Variants in MBTPS1 observed in about 807,000 individuals in gnomAD.
MBTPS1 encodes membrane-bound transcription factor site-1 protease.
In MBTPS1, 94 loss-of-function variants were observed where a neutral mutation model predicts 127.8. The observed-to-expected ratio is 0.74, with a 90% CI of 0.62 to 0.87. The LOEUF is 0.87. Ranked by LOEUF, MBTPS1 falls within the 40% of genes least tolerant of loss-of-function variation. The pLI, the probability that MBTPS1 is intolerant of heterozygous loss-of-function variation, is 0.00. For missense variants in MBTPS1, 1,636 were observed against 1,353.2 expected (o/e 1.21, Z -3.28); for synonymous variants, 632 against 509.4 (o/e 1.24, Z -3.24).
At chr16:84,082,420 G>A (rs2085955265) in intron 10 of MBTPS1, among the ~76,000 whole-genome samples, 1 of 152,150 alleles carries the variant, frequency 6.6e-6, no homozygotes, top group South Asian at 2.1e-4. Context: ...GCTTGTCTGG[G>A]ATGAGCCACC....
At chr16:84,083,144 G>A (rs1447658445) in intron 10 of MBTPS1, among the ~76,000 whole-genome samples, 2 of 152,174 alleles carry the variant, frequency 1.3e-5, no homozygotes, top group African/African-American at 4.8e-5. Context: ...ATGGCGTTTA[G>A]GAGAAATGAA....
Position 84,081,732 on chromosome 16 carries a change from G to A in MBTPS1, c.1448+15C>T. On this transcript the variant is annotated intron_variant, in intron 11 of 22. Coordinates refer to ENST00000343411, the MANE Select transcript of MBTPS1 (RefSeq NM_003791.4). ...TGAAGGAGAGAAAGACCCATCGGCA[G>A]GGCGGTGCACTGACCTTGCCTGTGG... The A allele has an allele frequency of 1.5e-6, 2 of 1,348,654 alleles. No individual in the cohort carries two copies. Among genetic ancestry groups the A allele is most frequent in the Non-Finnish European group, 1.9e-6 (2 of 1,038,664 alleles). 83.5% of individuals were successfully genotyped at this position (1,348,654 alleles called of 1,614,324 possible).
chr16:84,106,175 G>C (rs142855370), intron 1 of MBTPS1, among the ~76,000 whole-genome samples: 37 of 152,170 alleles, frequency 2.4e-4, no homozygotes, highest in African/African-American at 6.7e-4. Context: ...GGCGCCTGTA[G>C]CTCCAGCTAC....
intron 3 of MBTPS1, among the ~76,000 whole-genome samples, chr16:84,097,735 AAGG>A: frequency 6.6e-6 from 1 of 152,298 alleles, no homozygotes; most frequent in East Asian, 1.9e-4. Flanking sequence ...ACTGCTTTTT[AAGG>A]AGAATAATAC....
rs189875050 is a variant in MBTPS1, at chr16:84,063,028, G to A, written c.2572+277C>T. Among the ~76,000 whole-genome samples, 136 of 152,352 alleles carry A rather than the reference G, an allele frequency of 8.9e-4. 4 individuals carry two copies. In the South Asian group the frequency reaches 0.025, roughly 28 times the overall value. ...GGGAAGGGACTCTCCACCACAACGC[G>A]GGAGTCCCGCCTCCGCTGGCCTCAG... is the stretch of plus-strand genomic sequence containing the variant. On this transcript the variant is annotated intron_variant, in intron 19 of 22. Transcript: ENST00000343411.
At chr16:84,116,543 C>G (rs1451629601) in intron 1 of MBTPS1, among the ~76,000 whole-genome samples, 192 bp downstream of exon 1, 1 of 152,208 alleles carries the variant, frequency 6.6e-6, no homozygotes, top group African/African-American at 2.4e-5. Context: ...CGCGCAGACC[C>G]CCGCAGGGCC....
chr16:84,063,569 T>A (rs370199960), intron 18 of MBTPS1, 124 bp from the exon 19 acceptor site: 92 of 909,562 alleles, frequency 1.0e-4, no homozygotes, highest in Middle Eastern at 2.2e-4. Flanking sequence ...AATTAAAACA[T>A]TGCAAATTTT....
At chr16:84,061,983 G>C (rs2085620741) in intron 19 of MBTPS1, among the ~76,000 whole-genome samples, 1 of 152,052 alleles carries the variant, frequency 6.6e-6, no homozygotes. Context: ...TAAATGTAAG[G>C]CCTAGGACCA....
chr16:84,091,835 G>C lies in MBTPS1; in HGVS notation c.860C>G (p.Ser287Cys). 1 of 1,588,102 alleles carries C rather than the reference G, an allele frequency of 6.3e-7. No homozygotes were observed. Among genetic ancestry groups the C allele is most frequent in the South Asian group, 1.1e-5 (1 of 90,566 alleles). The change falls in exon 7 of 23, where the codon TCT becomes TGT. Residue 287 changes from serine (S) to cysteine (C), a missense_variant. Coordinates refer to ENST00000343411, the MANE Select transcript of MBTPS1 (RefSeq NM_003791.4). ...ATAGTTGAAGGCGTCCAAAAACCAA[G>C]ATGTGTAAGATACCTAGTTAAATAT... ...VFTNNQVSYT[S>C]WFLDAFNYAI...
At chr16:84,079,415 T>C (rs1288346738) in intron 11 of MBTPS1, among the ~76,000 whole-genome samples, 1 of 152,030 alleles carries the variant, frequency 6.6e-6, no homozygotes, top group Non-Finnish European at 1.5e-5. Context: ...TAAAAAGGAA[T>C]ACAAACACGA....
At chr16:84,067,565 C>T (rs2085703894) in intron 16 of MBTPS1, 102 bp downstream of exon 16, 3 of 966,126 alleles carry the variant, frequency 3.1e-6, no homozygotes, top group African/African-American at 1.6e-5. Context: ...TCTGTGCCAA[C>T]TGGAAAGACC....
In MBTPS1 at chr16:84,074,740, A is replaced by G. The variant is rs139047420; in HGVS notation, c.1450T>C (p.Leu484=). The G allele has an allele frequency of 6.2e-7, 1 of 1,612,836 alleles. No individual in the cohort carries two copies. Among genetic ancestry groups the G allele is most frequent in the Admixed American group, 1.7e-5 (1 of 59,734 alleles). The part of the protein sequence containing the change: ...ILNSYKPQAS[L]SPSYIDLTEC... ...GTCAGATCTATGTAGCTGGGGCTCA[A>G]ACTGAAATAAAGAATACAGTGTTAG... The change falls in exon 12 of 23, where the codon TTG becomes CTG. Residue 484 remains leucine (L), a splice_region_variant and synonymous_variant. Coordinates refer to ENST00000343411, the MANE Select transcript of MBTPS1 (RefSeq NM_003791.4).
At chr16:84,101,570 G>A (rs986357114) in intron 2 of MBTPS1, 51 bp downstream of exon 2, 1 of 1,470,338 alleles carries the variant, frequency 6.8e-7, no homozygotes, top group East Asian at 2.3e-5. Flanking sequence ...TATTAAGTAA[G>A]CTTTAAAAAA....
intron 10 of MBTPS1, 113 bp downstream of exon 10, chr16:84,084,870 C>G: frequency 8.7e-7 from 1 of 1,147,536 alleles, no homozygotes; most frequent in Non-Finnish European, 1.2e-6. Context: ...TGTGAAGGGC[C>G]TAAGCTCTCA....
intron 22 of MBTPS1, among the ~76,000 whole-genome samples, 185 bp from the exon 23 acceptor site, chr16:84,054,830 G>A (rs533435331): frequency 6.6e-6 from 1 of 152,210 alleles, no homozygotes; most frequent in Non-Finnish European, 1.5e-5. Context: ...GAGTGGATGA[G>A]AGCAAAGAGC....
rs373548429 is a variant in MBTPS1 at position 84,068,361 on chromosome 16, C to T, written c.2049G>A (p.Thr683=). 5.0e-5 allele frequency: 80 copies of T among 1,613,616 alleles called. No individual in the cohort carries two copies. The Middle Eastern group carries it at 6.6e-4, about 13-fold the overall frequency. ...TACCATACTGACTGGCATCAAAACA[C>T]GTGAAGGGGGCCCCGAGGACCTCTA... ...YFVEVLGAPF[T]CFDASQYGTL... is the part of the protein sequence containing the mutation. Residue 683 remains threonine (T), a synonymous_variant, in exon 15 of 23, where the codon ACG becomes ACA. Transcript: ENST00000343411.
intron 1 of MBTPS1, among the ~76,000 whole-genome samples, chr16:84,113,042 T>C (rs1156321224): frequency 2.0e-5 from 3 of 150,854 alleles, no homozygotes; most frequent in East Asian, 1.9e-4. Context: ...AATTCAAATA[T>C]ATATGCTAGA....
At chr16:84,074,767 G>C (rs765565305) in intron 11 of MBTPS1, 26 bp from the exon 12 acceptor site, 20 of 1,600,194 alleles carry the variant, frequency 1.2e-5, no homozygotes, top group East Asian at 2.2e-5. Flanking sequence ...CAGTGTTAGA[G>C]TAGATCATAT....
rs181442306 is a variant in MBTPS1 at position 84,111,434 on chromosome 16, G to A, written c.-325+5301C>T. Among the ~76,000 whole-genome samples, 7 of 152,132 alleles carry A rather than the reference G, an allele frequency of 4.6e-5. No individual in the cohort carries two copies. The East Asian group carries it at 7.7e-4, about 17-fold the overall frequency. On this transcript the variant is annotated intron_variant, in intron 1 of 22. Coordinates refer to ENST00000343411, the MANE Select transcript of MBTPS1 (RefSeq NM_003791.4). The stretch of plus-strand genomic sequence containing the variant: ...TGGGTGCCTGTAATCCTAGCTACCC[G>A]GAAGGCTGAGGCAGGAGAATCACTT...
Sources: gnomAD v4.1 joint callset for allele counts (sites outside exome capture counted in the v4.1 genomes callset) on GRCh38, gnomAD v4.1.1 for gene constraint, MANE v1.5 for transcripts, NCBI Gene and HGNC (gene_info 2026-07-23, HGNC 2026-07-21) for gene names.